Variants in TXNDC5 observed in about 807,000 individuals in gnomAD.
TXNDC5 encodes thioredoxin domain-containing protein 5.
Under a neutral mutation model 52.6 loss-of-function variants are expected in TXNDC5, and 44 were observed. That is an observed-to-expected ratio of 0.84 (90% CI 0.66 to 1.08). The LOEUF (loss-of-function observed/expected upper bound fraction) is 1.08. Ranked by LOEUF, TXNDC5 falls within the 50% of genes least tolerant of loss-of-function variation. The pLI, the probability that TXNDC5 is intolerant of heterozygous loss-of-function variation, is 0.00. For synonymous variants in TXNDC5, 241 were observed against 234.4 expected (o/e 1.03, Z -0.26); for missense variants, 600 against 565.5 (o/e 1.06, Z -0.62).
At chr6:7,893,861 C>A (rs112846780) in intron 4 of TXNDC5, among the ~76,000 whole-genome samples, 2 of 152,142 alleles carry the variant, frequency 1.3e-5, no homozygotes, top group Non-Finnish European at 2.9e-5. Flanking sequence ...GGATTTCTCT[C>A]CATGGTAGCA....
At chr6:7,904,911 G>A (rs1186595374) in intron 1 of TXNDC5, among the ~76,000 whole-genome samples, 188 bp from the exon 2 acceptor site, 1 of 152,168 alleles carries the variant, frequency 6.6e-6, no homozygotes, top group East Asian at 1.9e-4. Context: ...TCACTGCCCT[G>A]TTCTCAGCAT....
At chr6:7,909,695 G>A in intron 1 of TXNDC5, 1 of 855,194 alleles carries the variant, frequency 1.2e-6, no homozygotes, top group Non-Finnish European at 1.4e-6. Flanking sequence ...GCTGCAGGGG[G>A]GCGGAGGGGT....
At chr6:7,905,305 G>T (rs1024533325) in intron 1 of TXNDC5, among the ~76,000 whole-genome samples, 1 of 152,114 alleles carries the variant, frequency 6.6e-6, no homozygotes, top group Non-Finnish European at 1.5e-5. Context: ...ACTTCCTGCT[G>T]TATCTGCTAC....
rs1442869459 is a variant in TXNDC5, at chr6:7,882,508, TTC to T, written c.*634_*635del. On this transcript the variant is annotated 3_prime_UTR_variant, in exon 10 of 10. Transcript: ENST00000379757. ...GACACATAAAGTTATGGCATCAGCA[TTC>T]TCTTACTCAGGCACGGTCAGAAGTA... The T allele has an allele frequency of 6.6e-6, 1 of 152,336 alleles. No individual in the cohort carries two copies. Among genetic ancestry groups the T allele is most frequent in the Non-Finnish European group, 1.5e-5 (1 of 68,156 alleles). 9.4% of individuals were successfully genotyped at this position (152,336 alleles called of 1,614,324 possible).
intron 2 of TXNDC5, among the ~76,000 whole-genome samples, chr6:7,902,885 T>C (rs962156588): frequency 1.2e-4 from 19 of 152,356 alleles, no homozygotes; most frequent in Admixed American, 1.3e-4. Context: ...TTTAAATTTG[T>C]GATGGTTTTT....
At chr6:7,896,607 C>T (rs1333213943) in intron 3 of TXNDC5, among the ~76,000 whole-genome samples, 1 of 152,196 alleles carries the variant, frequency 6.6e-6, no homozygotes, top group Admixed American at 6.5e-5. Flanking sequence ...GCTGCCAGCG[C>T]GTCAAGACTT....
chr6:7,883,168 C>T lies in TXNDC5; in HGVS notation c.1275G>A (p.Leu425=). The change falls in exon 10 of 10, where the codon CTG becomes CTA. Residue 425 remains leucine (L), a synonymous_variant. Transcript: ENST00000379757. The stretch of plus-strand genomic sequence containing the variant: ...CCTAAAGTTCGTCTTTCGCTTGGCT[C>T]AGGACAAAGCGGTGTAACGAGTCAA... ...RDLDSLHRFV[L]SQAKDEL The T allele has an allele frequency of 6.2e-7, 1 of 1,614,180 alleles. No individual in the cohort carries two copies. The highest frequency in any genetic ancestry group is 8.5e-7 in the Non-Finnish European group (1 of 1,180,024).
At chr6:7,883,719 G>T (rs1050206359) in intron 9 of TXNDC5, among the ~76,000 whole-genome samples, 4 of 152,076 alleles carry the variant, frequency 2.6e-5, no homozygotes, top group African/African-American at 9.7e-5. Flanking sequence ...GAATTTTAGG[G>T]CACAAAAAAC....
intron 8 of TXNDC5, among the ~76,000 whole-genome samples, chr6:7,885,495 G>T (rs1287399943): frequency 6.6e-6 from 1 of 152,182 alleles, no homozygotes; most frequent in African/African-American, 2.4e-5. Context: ...AAACTGCGTA[G>T]CATACTGAAT....
intron 1 of TXNDC5, among the ~76,000 whole-genome samples, chr6:7,906,517 T>C (rs1316386341): frequency 6.4e-4 from 71 of 110,656 alleles, no homozygotes; most frequent in African/African-American, 2.3e-3. Context: ...GCCTGGGCGA[T>C]AGAGCAAGAC....
intron 2 of TXNDC5, among the ~76,000 whole-genome samples, chr6:7,904,274 A>G (rs776717146): frequency 5.3e-5 from 8 of 152,174 alleles, no homozygotes; most frequent in Admixed American, 3.9e-4. Context: ...GCCAAAACTG[A>G]TGACAGTCCA....
chr6:7,881,519 T>C lies in TXNDC5; in HGVS notation c.*1625A>G, dbSNP rs1039401782. 1 of 152,120 alleles carries C rather than the reference T, an allele frequency of 6.6e-6. No individual in the cohort carries two copies. Among genetic ancestry groups the C allele is most frequent in the Non-Finnish European group, 1.5e-5 (1 of 67,914 alleles). 9.4% of individuals were successfully genotyped at this position (152,120 alleles called of 1,614,324 possible). ...TAACATTGAAGGAAAGACCAGACTT[T>C]TAAAAAAAAAGAGTTTATTTAGAAA... On this transcript the variant is annotated 3_prime_UTR_variant, in exon 10 of 10. Coordinates refer to ENST00000379757, the MANE Select transcript of TXNDC5 (RefSeq NM_030810.5).
Position 7,889,382 on chromosome 6 carries a change from AG to A in TXNDC5, c.819+112del, listed in dbSNP as rs914947307. 13 of 841,008 alleles carry A rather than the reference AG, an allele frequency of 1.5e-5. No homozygotes were observed. In the African/African-American group the frequency reaches 2.2e-4, roughly 14 times the overall value. The allele number at this position is 841,008 out of a possible 1,614,324, so 52.1% of individuals were successfully genotyped here. A position where few individuals can be genotyped will look rare whatever the true frequency, so the allele number is the denominator to read the frequency against. On this transcript the variant is annotated intron_variant, in intron 6 of 9. Coordinates refer to ENST00000379757, the MANE Select transcript of TXNDC5 (RefSeq NM_030810.5). ...TTCATTATACACATTTCTCCAAACCAGTGCCCTAACAATCAAGATTGGCAAT... is the reference window on the plus strand; with the variant it reads ...TTCATTATACACATTTCTCCAAACCATGCCCTAACAATCAAGATTGGCAAT...
At chr6:7,895,324 C>CCCT in intron 3 of TXNDC5, 122 bp from the exon 4 acceptor site, 1 of 811,534 alleles carries the variant, frequency 1.2e-6, no homozygotes, top group Non-Finnish European at 1.9e-6. Flanking sequence ...CAACCTGGAA[C>CCCT]CCTTGTACGA....
rs926190584 is a variant in TXNDC5 at position 7,882,998 on chromosome 6, AACAC to A, written c.*142_*145del. The A allele has an allele frequency of 1.8e-6, 2 of 1,082,072 alleles. No homozygotes were observed. Among genetic ancestry groups the A allele is most frequent in the East Asian group, 2.6e-5 (1 of 38,672 alleles). The allele number at this position is 1,082,072 out of a possible 1,614,324, so 67.0% of individuals were successfully genotyped here. A position where few individuals can be genotyped will look rare whatever the true frequency, so the allele number is the denominator to read the frequency against. ...ATCTGTAGAGTGTGTTGGCTTGGAA[AACAC>A]ACACACAAAGAAGATACCTCACGCT... On this transcript the variant is annotated 3_prime_UTR_variant, in exon 10 of 10. Transcript: ENST00000379757.
chr6:7,897,912 T>C (rs1209319562), intron 3 of TXNDC5, among the ~76,000 whole-genome samples: 3 of 152,224 alleles, frequency 2.0e-5, no homozygotes, highest in Non-Finnish European at 4.4e-5. Context: ...TTGAAAACTA[T>C]GAAAGTCACA....
In TXNDC5 at chr6:7,895,303, C is replaced by T. The variant is rs964621095; in HGVS notation, c.520-101G>A. 8 of 1,022,664 alleles carry T rather than the reference C, an allele frequency of 7.8e-6. No homozygotes were observed. The South Asian group carries it at 9.6e-5, about 12-fold the overall frequency. 63.3% of individuals were successfully genotyped at this position (1,022,664 alleles called of 1,614,324 possible). A position where few individuals can be genotyped will look rare whatever the true frequency, so the allele number is the denominator to read the frequency against. On this transcript the variant is annotated intron_variant, in intron 3 of 9. Coordinates refer to ENST00000379757, the MANE Select transcript of TXNDC5 (RefSeq NM_030810.5). ...TGTGGGGAACCGCCTGCAGATGCCT[C>T]CCTCACCCAACAACCTGGAACCCTT...
chr6:7,883,352 A>G (rs1192819883), intron 9 of TXNDC5, 86 bp from the exon 10 acceptor site: 3 of 1,586,850 alleles, frequency 1.9e-6, no homozygotes, highest in Non-Finnish European at 2.6e-6. Context: ...ATACACTCCT[A>G]CCGTTGTGGC....
intron 4 of TXNDC5, among the ~76,000 whole-genome samples, chr6:7,892,522 T>C (rs1273909742): frequency 2.0e-5 from 3 of 152,264 alleles, no homozygotes; most frequent in African/African-American, 7.2e-5. Context: ...GGAGTTGATA[T>C]GGTTTGGCTG....
Sources: gnomAD v4.1 joint callset for allele counts (sites outside exome capture counted in the v4.1 genomes callset) on GRCh38, gnomAD v4.1.1 for gene constraint, MANE v1.5 for transcripts, NCBI Gene and HGNC (gene_info 2026-07-23, HGNC 2026-07-21) for gene names.